The following FAM135A variants were observed in gnomAD, a reference collection of about 807,000 sequenced individuals.
FAM135A encodes the protein family with sequence similarity 135 member A, also known as protein FAM135A.
In FAM135A, 79 loss-of-function variants were observed where a neutral mutation model predicts 146.8. The observed-to-expected ratio is 0.54, with a 90% CI of 0.45 to 0.65. The LOEUF (loss-of-function observed/expected upper bound fraction) is 0.65, where lower values mean the gene tolerates loss of function less well. FAM135A is among the 30% of genes least tolerant of loss of function. The pLI is 0.00. For synonymous variants in FAM135A, 562 were observed against 603.6 expected, an observed-to-expected ratio of 0.93 and a Z score of 1.01; for missense variants, 1,623 against 1,758.2, an observed-to-expected ratio of 0.92 and a Z score of 1.38.
intron 20 of FAM135A, among the ~76,000 whole-genome samples, chr6:70,553,810 A>G (rs1215675748): frequency 2.0e-5 from 3 of 152,220 alleles, no homozygotes; most frequent in Non-Finnish European, 2.9e-5. Flanking sequence ...GGAAGTCATG[A>G]GACCAGCAAG....
intron 12 of FAM135A, among the ~76,000 whole-genome samples, chr6:70,510,630 T>C (rs1296880125): frequency 1.3e-5 from 2 of 152,140 alleles, no homozygotes; most frequent in African/African-American, 4.8e-5. Flanking sequence ...CAGAATTCCA[T>C]TGTATGGATA....
chr6:70,452,703 T>C, intron 5 of FAM135A, 132 bp downstream of exon 5: 1 of 588,706 alleles, frequency 1.7e-6, no homozygotes, highest in South Asian at 3.1e-5. Context: ...GTAAGAAATA[T>C]ATTTGGGGAC....
rs72917965 is a variant in FAM135A, at chr6:70,517,132, G to A, written c.1030-5381G>A. Among the ~76,000 whole-genome samples, 468 of 152,108 alleles carry A rather than the reference G, an allele frequency of 3.1e-3. 5 individuals are homozygous for A. The highest frequency in any genetic ancestry group is 8.9e-3 in the African/African-American group (370 of 41,492). ...ATATAATTTGATGCTTTTATATTTC[G>A]CAAGGTTTAGGCAGACTTCCAATTT... On this transcript the variant is annotated intron_variant, in intron 12 of 21. Coordinates refer to ENST00000418814, the MANE Select transcript of FAM135A (RefSeq NM_001162529.3).
In FAM135A at chr6:70,428,496, A is replaced by T. The variant is rs1397815383; in HGVS notation, c.77+77A>T. On this transcript the variant is annotated intron_variant, in intron 4 of 21. Transcript: ENST00000418814. ...AATTTAAATTTAATTACATATTTTT[A>T]TTCCAGCATATATAAGGAAAACAAT... The T allele has an allele frequency of 3.3e-6, 3 of 919,422 alleles. No homozygotes were observed. The African/African-American group carries it at 5.2e-5, about 16-fold the overall frequency. 57.0% of individuals were successfully genotyped at this position (919,422 alleles called of 1,614,324 possible). A position where few individuals can be genotyped will look rare whatever the true frequency, so the allele number is the denominator to read the frequency against.
intron 5 of FAM135A, among the ~76,000 whole-genome samples, chr6:70,472,843 A>G (rs968451889): frequency 6.6e-6 from 1 of 152,194 alleles, no homozygotes; most frequent in Non-Finnish European, 1.5e-5. Flanking sequence ...TGACAGGAAT[A>G]TCTCAGAAGT....
intron 5 of FAM135A, among the ~76,000 whole-genome samples, chr6:70,458,333 A>G (rs1778775416): frequency 6.6e-6 from 1 of 152,222 alleles, no homozygotes; most frequent in African/African-American, 2.4e-5. Flanking sequence ...GTGCTAACAA[A>G]TATGACTTCT....
At chr6:70,496,387 T>C (rs1787272526) in intron 11 of FAM135A, among the ~76,000 whole-genome samples, 1 of 152,234 alleles carries the variant, frequency 6.6e-6, no homozygotes, top group Non-Finnish European at 1.5e-5. Context: ...AAGTTCCTTG[T>C]AGATTCTAGA....
At chr6:70,507,240 A>G (rs915858302) in intron 12 of FAM135A, among the ~76,000 whole-genome samples, 1 of 152,176 alleles carries the variant, frequency 6.6e-6, no homozygotes, top group African/African-American at 2.4e-5. Flanking sequence ...CCTGCAGTGT[A>G]TCACAAAAAC....
chr6:70,464,833 ATTTTTTTTTTTTTTT>A (rs67408160), intron 5 of FAM135A, among the ~76,000 whole-genome samples: 4 of 64,324 alleles, frequency 6.2e-5, no homozygotes, highest in African/African-American at 7.1e-5. Flanking sequence ...CGCCTGGCCA[ATTTTTTTTTTTTTTT>A]TTTTTTTTTT....
intron 12 of FAM135A, chr6:70,503,936 A>G (rs1283599082): frequency 6.6e-6 from 1 of 152,238 alleles, no homozygotes; most frequent in Non-Finnish European, 1.5e-5. Context: ...GGCTATTACA[A>G]ACCAAGCTGC....
At chr6:70,415,582 C>T (rs939744413) in intron 2 of FAM135A, among the ~76,000 whole-genome samples, 5 of 152,212 alleles carry the variant, frequency 3.3e-5, no homozygotes, top group African/African-American at 1.2e-4. Flanking sequence ...AATGATTTTT[C>T]AAATGCAAAT....
intron 11 of FAM135A, 22 bp from the exon 12 acceptor site, chr6:70,502,614 A>G: frequency 6.3e-7 from 1 of 1,595,688 alleles, no homozygotes; most frequent in Non-Finnish European, 8.5e-7. Context: ...AAATAGTGAA[A>G]TTTTTTTTCT....
At chr6:70,510,455 C>A (rs1353546896) in intron 12 of FAM135A, among the ~76,000 whole-genome samples, 1 of 152,060 alleles carries the variant, frequency 6.6e-6, no homozygotes, top group African/African-American at 2.4e-5. Context: ...ACTCCCATGT[C>A]CCCTTTCCCC....
intron 11 of FAM135A, among the ~76,000 whole-genome samples, chr6:70,498,975 T>C (rs1346519025): frequency 6.6e-6 from 1 of 152,210 alleles, no homozygotes; most frequent in African/African-American, 2.4e-5. Flanking sequence ...AAGAGTTCTG[T>C]AGATGTCTAT....
intron 4 of FAM135A, among the ~76,000 whole-genome samples, chr6:70,448,400 T>C (rs1283959038): frequency 2.0e-5 from 3 of 152,186 alleles, no homozygotes; most frequent in African/African-American, 7.2e-5. Context: ...CTTGTGCCAC[T>C]GTTACCCTGA....
intron 4 of FAM135A, among the ~76,000 whole-genome samples, chr6:70,447,740 C>T (rs1562437640): frequency 6.6e-6 from 1 of 152,210 alleles, no homozygotes; most frequent in African/African-American, 2.4e-5. Flanking sequence ...ACATTTTGGA[C>T]ATATTTCAGA....
intron 20 of FAM135A, among the ~76,000 whole-genome samples, chr6:70,545,184 GAT>G (rs1417962038): frequency 6.6e-6 from 1 of 151,986 alleles, no homozygotes; most frequent in Non-Finnish European, 1.5e-5. Flanking sequence ...TCTAAATGCT[GAT>G]ATTACTAGCT....
In FAM135A at chr6:70,422,529, A is replaced by G. The variant is rs1250955532; in HGVS notation, c.-133-3910A>G. On this transcript the variant is annotated intron_variant, in intron 2 of 21. Transcript: ENST00000418814. Reference sequence around the variant, plus strand: ...TTTCTATTTAGGGGATAATCAATACAAAAGAGGTAGATTAAAGGAAATTAG... The same window carrying G: ...TTTCTATTTAGGGGATAATCAATACGAAAGAGGTAGATTAAAGGAAATTAG... 2.6e-5 allele frequency among the ~76,000 whole-genome samples: 4 copies of G among 152,240 alleles called. No individual in the cohort carries two copies. In the East Asian group the frequency reaches 7.7e-4, roughly 29 times the overall value.
chr6:70,514,156 C>A (rs1279545116), intron 12 of FAM135A, among the ~76,000 whole-genome samples: 4 of 151,918 alleles, frequency 2.6e-5, no homozygotes, highest in African/African-American at 7.3e-5. Context: ...TATATTATAT[C>A]ATTTGATACT....
Sources: gnomAD v4.1 joint callset for allele counts (sites outside exome capture counted in the v4.1 genomes callset) on GRCh38, gnomAD v4.1.1 for gene constraint, MANE v1.5 for transcripts, NCBI Gene and HGNC (gene_info 2026-07-23, HGNC 2026-07-21) for gene names.